Variants in NFASC observed in about 807,000 individuals in gnomAD.
NFASC encodes the protein neurofascin homolog.
NFASC carries 43 observed loss-of-function variants against 147.5 expected under a neutral mutation model. That is an observed-to-expected ratio of 0.29 (90% CI 0.23 to 0.38). NFASC has a LOEUF of 0.38. Among genes scored for constraint, NFASC ranks in the 10% least tolerant of loss-of-function variants. NFASC has a pLI of 1.00. For missense variants in NFASC, 1,320 were observed against 1,689.0 expected (o/e 0.78, Z 3.83); for synonymous variants, 622 against 665.5 (o/e 0.93, Z 1.01).
At chr1:204,876,806 T>C (rs910076794) in intron 1 of NFASC, among the ~76,000 whole-genome samples, 1 of 151,776 alleles carries the variant, frequency 6.6e-6, no homozygotes, top group African/African-American at 2.4e-5. Context: ...CTGAATAATA[T>C]TCTATTGTAT....
At chr1:204,933,649 T>G (rs964836072) in intron 2 of NFASC, among the ~76,000 whole-genome samples, 5 of 151,948 alleles carry the variant, frequency 3.3e-5, no homozygotes. Context: ...TCCAGGAGGT[T>G]TGGCAAAATA....
chr1:204,941,409 A>G (rs2093354307), intron 2 of NFASC, among the ~76,000 whole-genome samples: 1 of 152,114 alleles, frequency 6.6e-6, no homozygotes, highest in African/African-American at 2.4e-5. Flanking sequence ...TTTTCTTGCC[A>G]ATGTGTATCT....
At position 205,015,637 on chromosome 1, in the gene NFASC, G is replaced by A. The variant is rs7518990; in HGVS notation, c.3492-671G>A. 7.2e-5 allele frequency among the ~76,000 whole-genome samples: 11 copies of A among 152,200 alleles called. No homozygotes were observed. Among genetic ancestry groups the A allele is most frequent in the South Asian group, 6.2e-4 (3 of 4,820 alleles). On this transcript the variant is annotated intron_variant, in intron 29 of 29. Coordinates refer to ENST00000339876, the MANE Select transcript of NFASC (RefSeq NM_001005388.3). This position sits in a 1 kb window ranked among gnomAD's most constrained non-coding sequence, Gnocchi z 4.0. Reference sequence around the variant, plus strand: ...CCTCTGAGCCTTGCTGTCTTCTCACGTTTGCTGGCATCACCTGCTTACCTG... The same window carrying A: ...CCTCTGAGCCTTGCTGTCTTCTCACATTTGCTGGCATCACCTGCTTACCTG...
chr1:204,958,845 CG>C lies in NFASC; in HGVS notation c.706+1022del, dbSNP rs555365563. On this transcript the variant is annotated intron_variant, in intron 8 of 29. Coordinates refer to ENST00000339876, the MANE Select transcript of NFASC (RefSeq NM_001005388.3). ...GCAGAGGTGGTGAACAATGGCTCCC[CG>C]GGTGGGTGTGGGTCAGGAGAGGTTC... 1.1e-4 allele frequency among the ~76,000 whole-genome samples: 17 copies of C among 152,232 alleles called. No individual in the cohort carries two copies. The South Asian group carries it at 3.5e-3, about 32-fold the overall frequency.
At position 205,015,754 on chromosome 1, in the gene NFASC, G is replaced by A. The variant is rs879573503; in HGVS notation, c.3492-554G>A. Among the ~76,000 whole-genome samples the A allele has an allele frequency of 6.6e-5, 10 of 152,056 alleles. No individual in the cohort carries two copies. The highest frequency in any genetic ancestry group is 2.1e-4 in the South Asian group (1 of 4,822). ...TTATAGATCAACCAGATAGCTCAGCGAAAGACACCAAGACAGACAAGCAGA... is the reference window on the plus strand; with the variant it reads ...TTATAGATCAACCAGATAGCTCAGCAAAAGACACCAAGACAGACAAGCAGA... On this transcript the variant is annotated intron_variant, in intron 29 of 29. Transcript: ENST00000339876. The surrounding 1 kb of genome is among the most constrained non-coding windows in gnomAD (Gnocchi z 4.0).
intron 24 of NFASC, among the ~76,000 whole-genome samples, chr1:204,996,669 C>A (rs572834405): frequency 1.3e-5 from 2 of 152,270 alleles, no homozygotes; most frequent in East Asian, 3.9e-4. Flanking sequence ...GCAGGCATGA[C>A]AAAGGGTGAT....
Position 205,009,671 on chromosome 1 carries a change from G to T in NFASC, c.3404G>T (p.Arg1135Leu), listed in dbSNP as rs768951652. 6.2e-7 allele frequency: 1 copy of T among 1,613,970 alleles called. No homozygotes were observed. Among genetic ancestry groups the T allele is most frequent in the Non-Finnish European group, 8.5e-7 (1 of 1,179,986 alleles). The change falls in exon 28 of 30, where the codon CGC (arginine) becomes CTC (leucine). Residue 1135 changes from arginine to leucine, a missense_variant. Around this residue, in one of 3 missense-constraint regions of NFASC, gnomAD observed 167 missense variants for 233.8 expected, o/e 0.71. Coordinates refer to ENST00000339876, the MANE Select transcript of NFASC (RefSeq NM_001005388.3). ...LLIVCFIKRS[R>L]GGKYPVREKK... ...ATCGTCTGTTTCATCAAGAGGAGTC[G>T]CGGCGGCAAGTACCCAGGTGAGATG...
chr1:204,846,032 G>A (rs972463676), intron 1 of NFASC, among the ~76,000 whole-genome samples: 1 of 152,086 alleles, frequency 6.6e-6, no homozygotes, highest in Admixed American at 6.5e-5. Flanking sequence ...GACAAAGGAT[G>A]GAAGGAGGAA....
intron 2 of NFASC, among the ~76,000 whole-genome samples, chr1:204,942,192 C>A (rs2093402949): frequency 6.6e-6 from 1 of 151,992 alleles, no homozygotes; most frequent in Non-Finnish European, 1.5e-5. Flanking sequence ...GTGAAATGTG[C>A]CATAATGGGG....
chr1:204,903,012 T>C (rs2084999092), intron 1 of NFASC, among the ~76,000 whole-genome samples: 1 of 152,212 alleles, frequency 6.6e-6, no homozygotes, highest in Non-Finnish European at 1.5e-5. Context: ...CAACAAAATA[T>C]GAGCATTGAG....
At chr1:204,949,192 A>G (rs2093963749) in intron 3 of NFASC, among the ~76,000 whole-genome samples, 1 of 152,168 alleles carries the variant, frequency 6.6e-6, no homozygotes, top group South Asian at 2.1e-4. Context: ...ATTTTCCTTC[A>G]TGCATAGCAT....
intron 1 of NFASC, among the ~76,000 whole-genome samples, chr1:204,885,690 T>C (rs1034462619): frequency 1.3e-5 from 2 of 152,234 alleles, no homozygotes; most frequent in Non-Finnish European, 2.9e-5. Context: ...ACTCCCTGGT[T>C]CAAAGTTCCT....
At chr1:204,877,955 C>G (rs1209857217) in intron 1 of NFASC, among the ~76,000 whole-genome samples, 1 of 152,172 alleles carries the variant, frequency 6.6e-6, no homozygotes, top group African/African-American at 2.4e-5. Context: ...AACACTGCAG[C>G]CCTTGATGGG....
Position 204,974,644 on chromosome 1 carries a change from G to T in NFASC, c.1392-13G>T, listed in dbSNP as rs73069141. The T allele has an allele frequency of 4.1e-4, 658 of 1,614,190 alleles. 1 individual carries two copies. The African/African-American group carries it at 7.8e-3, about 19-fold the overall frequency. On this transcript the variant is annotated splice_polypyrimidine_tract_variant and intron_variant, in intron 13 of 29. Coordinates refer to ENST00000339876, the MANE Select transcript of NFASC (RefSeq NM_001005388.3). Reference sequence around the variant, plus strand: ...GTCTCAGGATGCTGTGTGTTCTGCTGCTCTGTTGTGAGGTTTAAGAATGGG... The same window carrying T: ...GTCTCAGGATGCTGTGTGTTCTGCTTCTCTGTTGTGAGGTTTAAGAATGGG...
At chr1:204,868,189 C>T (rs1306485012) in intron 1 of NFASC, among the ~76,000 whole-genome samples, 1 of 152,258 alleles carries the variant, frequency 6.6e-6, no homozygotes, top group Non-Finnish European at 1.5e-5. Context: ...CTCTGGCCTG[C>T]TCAGTCCACC....
intron 1 of NFASC, among the ~76,000 whole-genome samples, chr1:204,867,588 G>A (rs1438262059): frequency 1.3e-5 from 2 of 151,966 alleles, no homozygotes; most frequent in Non-Finnish European, 2.9e-5. Context: ...CCCTGTGCCT[G>A]ATATACACAA....
chr1:204,851,326 C>CTTTTTTTTTT (rs59834352), intron 1 of NFASC, among the ~76,000 whole-genome samples: 1 of 136,344 alleles, frequency 7.3e-6, no homozygotes, highest in Admixed American at 7.3e-5. Flanking sequence ...TCATGCTTTT[C>CTTTTTTTTTT]TTTTTTTTTT....
intron 8 of NFASC, among the ~76,000 whole-genome samples, chr1:204,967,125 C>T (rs1429002796): frequency 6.6e-6 from 1 of 152,236 alleles, no homozygotes; most frequent in Non-Finnish European, 1.5e-5. Context: ...CTCCCCTCCA[C>T]CTTTCCCTTG....
intron 24 of NFASC, chr1:204,993,711 G>A (rs772818307): frequency 3.9e-6 from 2 of 508,452 alleles, no homozygotes; most frequent in Non-Finnish European, 7.8e-6. Flanking sequence ...CACTGGCCAG[G>A]ATTGCTTCCA....
Sources: gnomAD v4.1 joint callset for allele counts (sites outside exome capture counted in the v4.1 genomes callset) on GRCh38, gnomAD v4.1.1 for gene constraint, gnomAD v4.1.1 regional missense constraint, Gnocchi (gnomAD v3.1) non-coding constraint, MANE v1.5 for transcripts, NCBI Gene and HGNC (gene_info 2026-07-23, HGNC 2026-07-21) for gene names.